Variants in SIPA1L1 observed in about 807,000 individuals in gnomAD.
SIPA1L1 encodes signal-induced proliferation-associated 1-like protein 1.
A neutral mutation model predicts 162.7 loss-of-function variants in SIPA1L1; 26 were observed. The ratio of observed to expected loss-of-function variants is 0.16; its 90% CI spans 0.12 to 0.22. The LOEUF is 0.22. SIPA1L1 is among the 10% of genes least tolerant of loss of function. The pLI is 1.00. For synonymous variants in SIPA1L1, 829 were observed against 837.4 expected, an observed-to-expected ratio of 0.99 and a Z score of 0.17; for missense variants, 1,874 against 2,241.0, an observed-to-expected ratio of 0.84 and a Z score of 3.31.
At chr14:71,324,319 G>T (rs1048242286) in intron 2 of SIPA1L1, among the ~76,000 whole-genome samples, 1 of 152,186 alleles carries the variant, frequency 6.6e-6, no homozygotes, top group African/African-American at 2.4e-5. Context: ...TTTGTTGAAG[G>T]TTATAGAACT....
intron 12 of SIPA1L1, among the ~76,000 whole-genome samples, chr14:71,672,887 G>C (rs1400061960): frequency 1.3e-5 from 2 of 152,330 alleles, no homozygotes; most frequent in Non-Finnish European, 2.9e-5. Context: ...AGATAGAGAA[G>C]TCTGGTAATA....
chr14:71,529,582 T>C (rs144832981), intron 4 of SIPA1L1, among the ~76,000 whole-genome samples: 1 of 152,366 alleles, frequency 6.6e-6, no homozygotes, highest in East Asian at 1.9e-4. Context: ...CGTATTCTGA[T>C]ACAGTATTGC....
chr14:71,730,840 C>T (rs1232667256), intron 20 of SIPA1L1, among the ~76,000 whole-genome samples: 1 of 152,208 alleles, frequency 6.6e-6, no homozygotes, highest in East Asian at 1.9e-4. Context: ...TGTTCTTGCA[C>T]CTGGTCCACA....
At chr14:71,650,096 G>A (rs2042497571) in intron 7 of SIPA1L1, among the ~76,000 whole-genome samples, 1 of 152,152 alleles carries the variant, frequency 6.6e-6, no homozygotes. Context: ...GTTTAATGGT[G>A]CATGATCTTT....
At chr14:71,480,786 AAAAC>A (rs2048297777) in intron 2 of SIPA1L1, among the ~76,000 whole-genome samples, 1 of 152,266 alleles carries the variant, frequency 6.6e-6, no homozygotes, top group East Asian at 1.9e-4. Flanking sequence ...AACAAACAAA[AAAAC>A]AAAGGTCATT....
rs944189976 is a variant in SIPA1L1, at chr14:71,709,405, G to A, written c.3949G>A (p.Gly1317Ser). ...IDTTSYGPSH[G>S]STASLGAATS... Reference sequence around the variant, plus strand: ...CACCACCTCTTATGGCCCCAGCCACGGCAGCACAGCCTCGCTGGGGGCTGC... The same window carrying A: ...CACCACCTCTTATGGCCCCAGCCACAGCAGCACAGCCTCGCTGGGGGCTGC... Residue 1317 changes from glycine (G) to serine (S), a missense_variant, in exon 17 of 24, where the codon GGC (glycine) becomes AGC (serine). Gly to Ser is a moderately conservative substitution (Grantham distance 56). This residue lies in a region of SIPA1L1 where 936 missense variants were observed against 1,051.9 expected (regional missense o/e 0.89). Coordinates refer to ENST00000381232, the MANE Select transcript of SIPA1L1 (RefSeq NM_001386936.1). 5.0e-5 allele frequency: 80 copies of A among 1,614,090 alleles called. No homozygotes were observed. The highest frequency in any genetic ancestry group is 6.0e-5 in the Non-Finnish European group (71 of 1,180,050).
rs181441389 is a variant in SIPA1L1 at position 71,589,434 on chromosome 14, A to G, written c.1498+64A>G. ...AGTACTTTCTGAAGAAAAGTACTGT[A>G]TATTAAGATATTTATTAACAATGTG... On this transcript the variant is annotated intron_variant, in intron 5 of 23. Transcript: ENST00000381232. 1.8e-5 allele frequency: 17 copies of G among 920,070 alleles called. No homozygotes were observed. In the East Asian group the frequency reaches 2.0e-4, roughly 11 times the overall value. 57.0% of individuals were successfully genotyped at this position (920,070 alleles called of 1,614,324 possible).
chr14:71,689,427 C>T (rs781381635), intron 13 of SIPA1L1, among the ~76,000 whole-genome samples: 5 of 152,096 alleles, frequency 3.3e-5, no homozygotes, highest in South Asian at 2.1e-4. Context: ...TAATATGATA[C>T]GGTCACTATT....
rs2082244866 is a variant in SIPA1L1, at chr14:71,703,661, C to G, written c.3646+1156C>G. On this transcript the variant is annotated intron_variant, in intron 15 of 23. Transcript: ENST00000381232. ...TGTTTTGATACTGTTGAGATGGTAACGACACATGTGAAAAGGATCCCTTCT... is the reference window on the plus strand; with the variant it reads ...TGTTTTGATACTGTTGAGATGGTAAGGACACATGTGAAAAGGATCCCTTCT... Among the ~76,000 whole-genome samples, 3 of 152,166 alleles carry G rather than the reference C, an allele frequency of 2.0e-5. No individual in the cohort carries two copies. In the South Asian group the frequency reaches 6.2e-4, roughly 32 times the overall value.
intron 2 of SIPA1L1, among the ~76,000 whole-genome samples, chr14:71,357,927 T>G (rs1468227309): frequency 6.6e-6 from 1 of 152,168 alleles, no homozygotes; most frequent in Non-Finnish European, 1.5e-5. Flanking sequence ...AGACGAGGTT[T>G]TGTTACATTG....
chr14:71,677,060 C>A (rs2149447816), intron 12 of SIPA1L1, among the ~76,000 whole-genome samples: 1 of 152,342 alleles, frequency 6.6e-6, no homozygotes, highest in Middle Eastern at 3.4e-3. Flanking sequence ...CTGACTTCCA[C>A]AATGGTTGAA....
chr14:71,583,786 G>A (rs1440704761), intron 4 of SIPA1L1, among the ~76,000 whole-genome samples: 2 of 152,052 alleles, frequency 1.3e-5, no homozygotes, highest in Non-Finnish European at 2.9e-5. Flanking sequence ...TATTTTATCT[G>A]AAGTTTAGTG....
intron 14 of SIPA1L1, 40 bp from the exon 15 acceptor site, chr14:71,702,341 G>T (rs1375597991): frequency 4.3e-6 from 7 of 1,611,660 alleles, no homozygotes; most frequent in Non-Finnish European, 5.1e-6. Context: ...CATGGGTAAG[G>T]TCCCTGATGT....
chr14:71,593,501 G>A (rs2035661906), intron 5 of SIPA1L1, among the ~76,000 whole-genome samples: 1 of 152,056 alleles, frequency 6.6e-6, no homozygotes. Flanking sequence ...GTGAGCCACC[G>A]TACCTGGCCT....
chr14:71,402,877 T>A (rs1029630365), intron 2 of SIPA1L1, among the ~76,000 whole-genome samples: 2 of 152,210 alleles, frequency 1.3e-5, no homozygotes, highest in Non-Finnish European at 2.9e-5. Flanking sequence ...TCCTAGATTT[T>A]ATTTTTACTA....
rs373899110 is a variant in SIPA1L1, at chr14:71,464,838, G to A, written c.-464-47905G>A. Among the ~76,000 whole-genome samples the A allele has an allele frequency of 7.9e-5, 12 of 152,140 alleles. No homozygotes were observed. In the East Asian group the frequency reaches 9.7e-4, roughly 12 times the overall value. ...CAAAACAGTTCTTTTCAAGTGTAGC[G>A]CACCCCGTCATGGGTCACACTCTCA... On this transcript the variant is annotated intron_variant, in intron 2 of 23. Coordinates refer to ENST00000381232, the MANE Select transcript of SIPA1L1 (RefSeq NM_001386936.1).
At position 71,588,042 on chromosome 14, in the gene SIPA1L1, C is replaced by G. The variant is rs148958695; in HGVS notation, c.170C>G (p.Pro57Arg). ...GSSVMAPVGPPRSEGSHHITS... is the reference protein window; with the variant it reads ...GSSVMAPVGPRRSEGSHHITS... The stretch of plus-strand genomic sequence containing the variant: ...TCAGTTATGGCTCCTGTAGGACCCC[C>G]CCGAAGTGAAGGTTCTCACCATATA... Residue 57 changes from proline (P) to arginine (R), a missense_variant, in exon 5 of 24, where the codon CCC (proline) becomes CGC (arginine). Physicochemically the swap from Pro to Arg is moderately radical, Grantham distance 103. Around this residue, in one of 5 missense-constraint regions of SIPA1L1, gnomAD observed 685 missense variants for 828.0 expected, o/e 0.83. Transcript: ENST00000381232. This position sits in a 1 kb window ranked among gnomAD's most constrained non-coding sequence, Gnocchi z 4.3. The G allele has an allele frequency of 2.5e-6, 4 of 1,614,114 alleles. No homozygotes were observed. Among genetic ancestry groups the G allele is most frequent in the Non-Finnish European group, 3.4e-6 (4 of 1,180,002 alleles).
At chr14:71,520,201 A>G (rs1567142119) in intron 3 of SIPA1L1, among the ~76,000 whole-genome samples, 2 of 152,226 alleles carry the variant, frequency 1.3e-5, no homozygotes, top group South Asian at 2.1e-4. Context: ...TTACCTCCAT[A>G]TGAAATACTT....
rs1335542564 is a variant in SIPA1L1, at chr14:71,735,292, T to A, written c.5024T>A (p.Phe1675Tyr). The A allele has an allele frequency of 1.2e-6, 2 of 1,613,826 alleles. No individual in the cohort carries two copies. The highest frequency in any genetic ancestry group is 1.7e-6 in the Non-Finnish European group (2 of 1,179,688). ...AKAYEVQRAS[F>Y]FAASDENHRP... ...TCCTTTCCAGTCCAGAGAGCCTCAT[T>A]TTTTGCTGCTAGTGATGAAAACCAT... Residue 1675 changes from phenylalanine to tyrosine, a missense_variant, in exon 22 of 24, where the codon TTT (phenylalanine) becomes TAT (tyrosine). Phe to Tyr is a conservative substitution (Grantham distance 22). Around this residue, in one of 5 missense-constraint regions of SIPA1L1, gnomAD observed 936 missense variants for 1,051.9 expected, o/e 0.89. Coordinates refer to ENST00000381232, the MANE Select transcript of SIPA1L1 (RefSeq NM_001386936.1).
Sources: allele counts gnomAD v4.1 joint callset (sites outside exome capture counted in the v4.1 genomes callset), GRCh38; gene constraint gnomAD v4.1.1; regional missense constraint gnomAD v4.1.1; non-coding constraint Gnocchi (gnomAD v3.1); transcripts MANE v1.5; gene names NCBI Gene and HGNC (gene_info 2026-07-23, HGNC 2026-07-21).